HEXD: variants seen among roughly 807,000 people sequenced by gnomAD.
HEXD encodes the protein hexosaminidase D, also known as N-acetyl-beta-galactosaminidase.
HEXD carries 47 observed loss-of-function variants against 54.2 expected under a neutral mutation model. The observed-to-expected ratio is 0.87, with a 90% CI of 0.69 to 1.11. HEXD has a LOEUF of 1.11. HEXD is among the 50% of genes least tolerant of loss of function. The probability of loss-of-function intolerance (pLI) is 0.00; values close to 1 mark genes in which losing one functional copy is unlikely to be tolerated. For missense variants in HEXD, 576 were observed against 649.2 expected (o/e 0.89, Z 1.23); for synonymous variants, 293 against 287.6 (o/e 1.02, Z -0.19).
chr17:82,419,859 A>C lies in HEXD; in HGVS notation c.60A>C (p.Pro20=). 1 of 1,611,052 alleles carries C rather than the reference A, an allele frequency of 6.2e-7. No individual in the cohort carries two copies. The highest frequency in any genetic ancestry group is 1.7e-5 in the Admixed American group (1 of 59,978). The part of the protein sequence containing the change: ...RLVHLDLKGA[P]PKVSYLSEIF... The stretch of plus-strand genomic sequence containing the variant: ...TTCATTTAGACCTTAAAGGAGCTCC[A>C]CCAAAGGTCTCGTACCTCTCAGAGG... Residue 20 remains proline (P), a synonymous_variant, in exon 2 of 13, where the codon CCA becomes CCC. Coordinates refer to ENST00000327949, the MANE Select transcript of HEXD (RefSeq NM_001330542.2).
chr17:82,437,324 C>T lies in HEXD; in HGVS notation c.860C>T (p.Thr287Met), dbSNP rs754273625. 24 of 1,610,224 alleles carry T rather than the reference C, an allele frequency of 1.5e-5. No individual in the cohort carries two copies. In the East Asian group the frequency reaches 1.8e-4, roughly 12 times the overall value. ...CTGCAGGTGGCGGGCAGCGGGCCCA[C>T]GGACTCACTGCAGGGCATCATCCTG... is the stretch of plus-strand genomic sequence containing the variant. The part of the protein sequence containing the change: ...QWLQVAGSGP[T>M]DSLQGIILTG... Residue 287 changes from threonine (T) to methionine (M), a missense_variant, in exon 8 of 13, where the codon ACG becomes ATG. By Grantham distance (81) the Thr-to-Met change is moderately conservative (BLOSUM62 -1). Transcript: ENST00000327949.
chr17:82,436,119 G>A (rs564611486), intron 6 of HEXD, among the ~76,000 whole-genome samples: 4 of 152,252 alleles, frequency 2.6e-5, no homozygotes, highest in African/African-American at 7.2e-5. Flanking sequence ...TCCAGCACTC[G>A]CAGCAGCCTC....
chr17:82,431,352 G>T (rs2143510760), intron 4 of HEXD, among the ~76,000 whole-genome samples: 1 of 151,896 alleles, frequency 6.6e-6, no homozygotes, highest in South Asian at 2.1e-4. Flanking sequence ...GTGAAGAGTG[G>T]GGTCTCACTA....
At chr17:82,432,803 C>A (rs559579540) in intron 4 of HEXD, among the ~76,000 whole-genome samples, 1 of 151,942 alleles carries the variant, frequency 6.6e-6, no homozygotes, top group Non-Finnish European at 1.5e-5. Flanking sequence ...GTGGCTCACG[C>A]CTGTAATCCC....
chr17:82,429,411 G>A (rs796312335), intron 4 of HEXD, among the ~76,000 whole-genome samples: 5 of 152,212 alleles, frequency 3.3e-5, no homozygotes, highest in African/African-American at 7.2e-5. Flanking sequence ...CACACCGCGG[G>A]TAAGAAGGTT....
rs532062371 is a variant in HEXD, at chr17:82,432,990, T to C, written c.283-668T>C. Reference sequence around the variant, plus strand: ...CTGAGGCAGGAGAATGGTGTGAACCTGGGAGGCAGAGCTTGTAGTGAGCCG... The same window carrying C: ...CTGAGGCAGGAGAATGGTGTGAACCCGGGAGGCAGAGCTTGTAGTGAGCCG... On this transcript the variant is annotated intron_variant, in intron 4 of 12. Coordinates refer to ENST00000327949, the MANE Select transcript of HEXD (RefSeq NM_001330542.2). Among the ~76,000 whole-genome samples, 184 of 136,662 alleles carry C rather than the reference T, an allele frequency of 1.3e-3. 3 individuals are homozygous for C. The South Asian group carries it at 0.017, about 13-fold the overall frequency. 89.7% of individuals were successfully genotyped at this position (136,662 alleles called of 152,430 possible). A position where few individuals can be genotyped will look rare whatever the true frequency, so the allele number is the denominator to read the frequency against.
intron 9 of HEXD, chr17:82,440,674 C>T (rs1599757361): frequency 9.6e-6 from 4 of 417,620 alleles, no homozygotes; most frequent in East Asian, 5.4e-5. Flanking sequence ...GCAAACTCTG[C>T]GTGAGCCCTG....
intron 4 of HEXD, among the ~76,000 whole-genome samples, chr17:82,429,587 C>T (rs767040385): frequency 3.9e-5 from 6 of 152,114 alleles, no homozygotes; most frequent in Non-Finnish European, 8.8e-5. Flanking sequence ...CTGCCAAGGC[C>T]GCCAGGGTCC....
chr17:82,425,138 G>GGAGAAGGCTC (rs1258869999), intron 3 of HEXD, among the ~76,000 whole-genome samples: 11 of 147,368 alleles, frequency 7.5e-5, no homozygotes, highest in Non-Finnish European at 1.3e-4. Context: ...AGAGAAGGCT[G>GGAGAAGGCTC]GAGAAGGCTG....
intron 3 of HEXD, chr17:82,426,018 G>A (rs943050065): frequency 6.9e-6 from 1 of 145,054 alleles, no homozygotes; most frequent in Non-Finnish European, 1.5e-5. Flanking sequence ...ATAGGAGGAT[G>A]GCTTGAGCCT....
chr17:82,440,300 G>A lies in HEXD; in HGVS notation c.982+587G>A, dbSNP rs576301256. The A allele has an allele frequency of 1.2e-5, 15 of 1,266,468 alleles. No homozygotes were observed. In the African/African-American group the frequency reaches 1.5e-4, roughly 13 times the overall value. The allele number at this position is 1,266,468 out of a possible 1,614,324, so 78.5% of individuals were successfully genotyped here. ...CCGAGACGCGCGGAGAGCGGGACCC[G>A]CAGGCGCGGCGGCCCAGGGACGGGG... On this transcript the variant is annotated intron_variant, in intron 9 of 12. Transcript: ENST00000327949.
rs1567886709 is a variant in HEXD at position 82,428,556 on chromosome 17, A to C, written c.195-2A>C. ...CTCTCTCTATGAATTTTGTCTCTCCAGCCCCTCTGAAATCAAAGAGATCTT... is the reference window on the plus strand; with the variant it reads ...CTCTCTCTATGAATTTTGTCTCTCCCGCCCCTCTGAAATCAAAGAGATCTT... On this transcript the variant is annotated splice_acceptor_variant, in intron 3 of 12. Coordinates refer to ENST00000327949, the MANE Select transcript of HEXD (RefSeq NM_001330542.2). LOFTEE classifies it high-confidence loss of function. 6.8e-6 allele frequency: 11 copies of C among 1,612,784 alleles called. No homozygotes were observed. Among genetic ancestry groups the C allele is most frequent in the Non-Finnish European group, 8.5e-6 (10 of 1,178,888 alleles).
chr17:82,435,926 C>A lies in HEXD; in HGVS notation c.631+54C>A. On this transcript the variant is annotated intron_variant, in intron 6 of 12. Transcript: ENST00000327949. The stretch of plus-strand genomic sequence containing the variant: ...GGGCCACTGAACTGCCCAAGACCTG[C>A]GGCTTCAAAGAAAGAAGGTGCTGTA... 2.0e-6 allele frequency: 3 copies of A among 1,535,098 alleles called. No homozygotes were observed. In the South Asian group the frequency reaches 3.5e-5, roughly 18 times the overall value.
At chr17:82,436,208 T>C (rs1482545912) in intron 6 of HEXD, among the ~76,000 whole-genome samples, 1 of 152,258 alleles carries the variant, frequency 6.6e-6, no homozygotes. Context: ...CTGCTCGCTC[T>C]GCCTGAGGCT....
intron 6 of HEXD, 132 bp downstream of exon 6, chr17:82,436,004 CT>C (rs2053751464): frequency 1.2e-6 from 1 of 849,460 alleles, no homozygotes; most frequent in African/African-American, 1.7e-5. Flanking sequence ...CCACAACCAC[CT>C]CCTGCATCCC....
chr17:82,421,358 A>G (rs2053230734), intron 2 of HEXD, among the ~76,000 whole-genome samples: 1 of 152,226 alleles, frequency 6.6e-6, no homozygotes, highest in South Asian at 2.1e-4. Flanking sequence ...TGAACTGGGC[A>G]GGAACAGCGA....
chr17:82,434,005 G>A lies in HEXD; in HGVS notation c.447+183G>A, dbSNP rs4789774. Reference sequence around the variant, plus strand: ...TGGCACGGGACAGCCTGCGGAGCCCGAGGGAGGCACCCTCGTGTCAGACGC... The same window carrying A: ...TGGCACGGGACAGCCTGCGGAGCCCAAGGGAGGCACCCTCGTGTCAGACGC... On this transcript the variant is annotated intron_variant, in intron 5 of 12. Transcript: ENST00000327949. The surrounding 1 kb of genome is among the most constrained non-coding windows in gnomAD (Gnocchi z 4.5). Among the ~76,000 whole-genome samples the A allele has an allele frequency of 0.35, 53,614 of 151,462 alleles. 10,473 individuals carry two copies. The highest frequency in any genetic ancestry group is 0.9 in the East Asian group (4,543 of 5,034).
At position 82,439,676 on chromosome 17, in the gene HEXD, C is replaced by T. The variant is rs887854372; in HGVS notation, c.945C>T (p.Val315=). 6.3e-7 allele frequency: 1 copy of T among 1,598,478 alleles called. No individual in the cohort carries two copies. Among genetic ancestry groups the T allele is most frequent in the African/African-American group, 1.3e-5 (1 of 75,014 alleles). The part of the protein sequence containing the change: ...SVLCELLPAG[V]PSLAACLQLL... ...TGTGCGAGCTGCTGCCCGCAGGAGT[C>T]CCGTCCCTGGCCGCCTGCCTGCAGT... The change falls in exon 9 of 13, where the codon GTC becomes GTT. Residue 315 remains valine, a synonymous_variant. Transcript: ENST00000327949.
At chr17:82,419,996 CGGT>C in intron 2 of HEXD, 113 bp downstream of exon 2, 1 of 487,042 alleles carries the variant, frequency 2.1e-6, no homozygotes, top group Non-Finnish European at 3.6e-6. Flanking sequence ...ACAAGGTTCT[CGGT>C]GGAGCAAGAT....
Sources: gnomAD v4.1 joint callset for allele counts (sites outside exome capture counted in the v4.1 genomes callset) on GRCh38, gnomAD v4.1.1 for gene constraint, Gnocchi (gnomAD v3.1) non-coding constraint, MANE v1.5 for transcripts, NCBI Gene and HGNC (gene_info 2026-07-23, HGNC 2026-07-21) for gene names.